FOXP2: variants seen among roughly 807,000 people sequenced by gnomAD.
The protein encoded by FOXP2 is forkhead box protein P2.
FOXP2 carries 12 observed loss-of-function variants against 115.8 expected under a neutral mutation model. That is an observed-to-expected ratio of 0.10 (90% CI 0.07 to 0.17). The LOEUF (loss-of-function observed/expected upper bound fraction) is 0.17, where lower values mean the gene tolerates loss of function less well. FOXP2 is among the 10% of genes least tolerant of loss of function. The probability of loss-of-function intolerance (pLI) is 1.00; values close to 1 mark genes in which losing one functional copy is unlikely to be tolerated. For synonymous variants in FOXP2, 328 were observed against 297.7 expected (o/e 1.10, Z -1.05); for missense variants, 629 against 843.5 (o/e 0.75, Z 3.15).
intron 1 of FOXP2, among the ~76,000 whole-genome samples, chr7:114,089,203 A>T (rs1799493893): frequency 6.6e-6 from 1 of 152,150 alleles, no homozygotes; most frequent in Non-Finnish European, 1.5e-5. Context: ...TTATGATTAA[A>T]TATACTAACT....
chr7:114,480,730 C>A (rs189887637), intron 2 of FOXP2, among the ~76,000 whole-genome samples: 15 of 149,920 alleles, frequency 1.0e-4, no homozygotes, highest in African/African-American at 3.4e-4. Flanking sequence ...TACATATACA[C>A]GTATATATGT....
intron 2 of FOXP2, among the ~76,000 whole-genome samples, chr7:114,345,572 T>C (rs1791326917): frequency 1.3e-5 from 2 of 151,824 alleles, no homozygotes; most frequent in African/African-American, 4.8e-5. Flanking sequence ...GTTCTGAATT[T>C]CTTTAGTGTT....
intron 2 of FOXP2, among the ~76,000 whole-genome samples, chr7:114,446,409 G>A (rs1443116147): frequency 6.6e-6 from 1 of 151,720 alleles, no homozygotes; most frequent in Non-Finnish European, 1.5e-5. Flanking sequence ...TGTATAGAGA[G>A]TAAATAAAAC....
At chr7:114,179,172 T>G (rs141057219) in intron 1 of FOXP2, among the ~76,000 whole-genome samples, 1,704 of 152,076 alleles carry the variant, frequency 0.011, 13 homozygotes, top group Non-Finnish European at 0.018. Flanking sequence ...TGTCTTTTAT[T>G]AATATTTTTC....
At chr7:114,291,979 A>ATATAATATATATAT (rs1796613684) in intron 2 of FOXP2, among the ~76,000 whole-genome samples, 8 of 129,792 alleles carry the variant, frequency 6.2e-5, no homozygotes, top group Admixed American at 4.6e-4. Context: ...TATAGATAAT[A>ATATAATATATATAT]TATAGAATAT....
intron 1 of FOXP2, among the ~76,000 whole-genome samples, chr7:114,281,158 A>G (rs1312270747): frequency 8.0e-6 from 1 of 124,626 alleles, no homozygotes; most frequent in Non-Finnish European, 1.6e-5. Context: ...CTGCAGTGCC[A>G]TGGCGTAATT....
intron 1 of FOXP2, among the ~76,000 whole-genome samples, chr7:114,141,343 A>G (rs1792202441): frequency 6.6e-6 from 1 of 152,206 alleles, no homozygotes; most frequent in African/African-American, 2.4e-5. Context: ...TGCTTTATAT[A>G]ACAACAGAGA....
At chr7:114,318,891 A>G (rs1007164369) in intron 2 of FOXP2, among the ~76,000 whole-genome samples, 1 of 152,156 alleles carries the variant, frequency 6.6e-6, no homozygotes, top group Non-Finnish European at 1.5e-5. Context: ...ATATCTGTAA[A>G]TAATTAAATA....
chr7:114,636,077 G>GC (rs756247451), intron 6 of FOXP2, among the ~76,000 whole-genome samples: 25 of 152,024 alleles, frequency 1.6e-4, no homozygotes, highest in Non-Finnish European at 3.2e-4. Flanking sequence ...TTAAAGATAG[G>GC]CATTGTATCT....
At chr7:114,516,915 C>T (rs767785517) in intron 2 of FOXP2, among the ~76,000 whole-genome samples, 1 of 151,982 alleles carries the variant, frequency 6.6e-6, no homozygotes, top group East Asian at 1.9e-4. Flanking sequence ...AGAATGGTCT[C>T]GATCTCCTGA....
intron 3 of FOXP2, 36 bp from the exon 4 acceptor site, chr7:114,628,504 C>A: frequency 6.2e-7 from 1 of 1,612,986 alleles, no homozygotes; most frequent in East Asian, 2.2e-5. Context: ...TTGGTTATGA[C>A]CACGAATTTT....
At chr7:114,237,935 A>G (rs1297782922) in intron 1 of FOXP2, among the ~76,000 whole-genome samples, 1 of 152,182 alleles carries the variant, frequency 6.6e-6, no homozygotes, top group Non-Finnish European at 1.5e-5. Flanking sequence ...AGATGCTGTC[A>G]CTGCACTTCA....
chr7:114,515,508 G>A (rs867975613), intron 2 of FOXP2, among the ~76,000 whole-genome samples: 2,581 of 152,060 alleles, frequency 0.017, 74 homozygotes, highest in African/African-American at 0.059. Context: ...TGGCTGCATA[G>A]ATGTCTTCTT....
intron 1 of FOXP2, among the ~76,000 whole-genome samples, chr7:114,426,181 C>T (rs1793836952): frequency 6.6e-6 from 1 of 151,554 alleles, no homozygotes; most frequent in African/African-American, 2.4e-5. Flanking sequence ...TGCAATCATG[C>T]CTTCATTTAA....
At chr7:114,629,470 C>A in intron 4 of FOXP2, 1 of 829,732 alleles carries the variant, frequency 1.2e-6, no homozygotes, top group South Asian at 1.7e-5. Context: ...AATTTTTATT[C>A]TTACAACTGG....
intron 1 of FOXP2, among the ~76,000 whole-genome samples, chr7:114,097,643 C>G (rs1799680267): frequency 6.6e-6 from 1 of 152,116 alleles, no homozygotes; most frequent in Admixed American, 6.5e-5. Context: ...ATCTTGAGGT[C>G]TTCACCATAG....
At chr7:114,124,775 C>T (rs1483236494) in intron 1 of FOXP2, among the ~76,000 whole-genome samples, 2 of 151,978 alleles carry the variant, frequency 1.3e-5, no homozygotes, top group African/African-American at 2.4e-5. Flanking sequence ...CCACCTTACC[C>T]CTTTCTCCAT....
chr7:114,338,490 G>A (rs552120497), intron 2 of FOXP2, among the ~76,000 whole-genome samples: 1 of 150,946 alleles, frequency 6.6e-6, no homozygotes, highest in South Asian at 2.1e-4. Context: ...TATGAAATAA[G>A]AAAATGTGCT....
intron 2 of FOXP2, among the ~76,000 whole-genome samples, chr7:114,301,526 GC>G (rs1796879493): frequency 6.6e-6 from 1 of 152,050 alleles, no homozygotes; most frequent in Admixed American, 6.6e-5. Flanking sequence ...TCACTGAGGA[GC>G]TTTGGTTTTG....
Sources: gnomAD v4.1 joint callset for allele counts (sites outside exome capture counted in the v4.1 genomes callset) on GRCh38, gnomAD v4.1.1 for gene constraint, MANE v1.5 for transcripts, NCBI Gene and HGNC (gene_info 2026-07-23, HGNC 2026-07-21) for gene names.